Variants in ZNF385D observed in about 807,000 individuals in gnomAD.
The protein encoded by ZNF385D is zinc finger protein 385D, also known as zinc finger protein 659.
Under a neutral mutation model 35.8 loss-of-function variants are expected in ZNF385D, and 15 were observed. The observed-to-expected ratio is 0.42, with a 90% confidence interval of 0.28 to 0.64. ZNF385D has a LOEUF of 0.64. ZNF385D is among the 30% of genes least tolerant of loss of function. The pLI, the probability that ZNF385D is intolerant of heterozygous loss-of-function variation, is 0.23. For synonymous variants in ZNF385D, 212 were observed against 186.8 expected, an observed-to-expected ratio of 1.13 and a Z score of -1.10; for missense variants, 474 against 494.6, an observed-to-expected ratio of 0.96 and a Z score of 0.39.
At chr3:21,778,591 C>G (rs1473238080) in intron 3 of ZNF385D, among the ~76,000 whole-genome samples, 1 of 151,888 alleles carries the variant, frequency 6.6e-6, no homozygotes, top group Non-Finnish European at 1.5e-5. Context: ...CAGAAATATA[C>G]ACATATATAT....
At chr3:21,515,404 T>C (rs1329569305) in intron 3 of ZNF385D, among the ~76,000 whole-genome samples, 1 of 152,228 alleles carries the variant, frequency 6.6e-6, no homozygotes, top group East Asian at 1.9e-4. Flanking sequence ...CATAACCAAT[T>C]AATTTTCATG....
chr3:21,921,817 C>G (rs1700478114), intron 3 of ZNF385D, among the ~76,000 whole-genome samples: 1 of 147,564 alleles, frequency 6.8e-6, no homozygotes. Flanking sequence ...AACAGACCAG[C>G]AAGTTTTGAA....
chr3:22,133,722 T>G (rs1367757147), intron 3 of ZNF385D: 1 of 151,644 alleles, frequency 6.6e-6, no homozygotes, highest in Non-Finnish European at 1.5e-5. Context: ...AGAAAAGAAG[T>G]AAGACTACAC....
intron 3 of ZNF385D, chr3:21,877,892 A>G (rs948235270): frequency 1.3e-5 from 2 of 152,088 alleles, no homozygotes; most frequent in Admixed American, 1.3e-4. Context: ...GAACTTCTTC[A>G]ATACATCTGT....
At chr3:22,274,961 A>T (rs912121589) in intron 2 of ZNF385D, among the ~76,000 whole-genome samples, 3 of 152,090 alleles carry the variant, frequency 2.0e-5, no homozygotes, top group Admixed American at 2.0e-4. Context: ...ATTGGGTAAG[A>T]AAACAAGAAG....
intron 3 of ZNF385D, among the ~76,000 whole-genome samples, chr3:21,821,275 A>C (rs934817379): frequency 6.6e-6 from 1 of 152,166 alleles, no homozygotes; most frequent in African/African-American, 2.4e-5. Context: ...AATGCAGCAG[A>C]AAGTTAAGAA....
chr3:21,579,194 G>C (rs1000716224), intron 2 of ZNF385D: 1 of 152,144 alleles, frequency 6.6e-6, no homozygotes, highest in African/African-American at 2.4e-5. Context: ...CACAGCTCCA[G>C]AATTGGGATT....
At chr3:21,997,187 T>C (rs898873207) in intron 3 of ZNF385D, among the ~76,000 whole-genome samples, 2 of 152,166 alleles carry the variant, frequency 1.3e-5, no homozygotes, top group African/African-American at 4.8e-5. Context: ...GGTGAGTTCA[T>C]GCCCTTTGTA....
At chr3:21,464,586 C>T (rs1048592441) in intron 4 of ZNF385D, among the ~76,000 whole-genome samples, 6 of 152,046 alleles carry the variant, frequency 3.9e-5, no homozygotes, top group South Asian at 4.1e-4. Context: ...AAATAGATTA[C>T]GCTCTAGAAT....
At chr3:21,569,708 C>T (rs1344515744) in intron 2 of ZNF385D, among the ~76,000 whole-genome samples, 2 of 151,502 alleles carry the variant, frequency 1.3e-5, no homozygotes, top group Admixed American at 6.6e-5. Context: ...CACATATACA[C>T]CATGGAATAC....
chr3:22,309,835 C>T (rs952330973), intron 2 of ZNF385D, among the ~76,000 whole-genome samples: 2 of 151,898 alleles, frequency 1.3e-5, no homozygotes, highest in African/African-American at 2.4e-5. Flanking sequence ...ATTACCTTCC[C>T]TTGATATCCA....
chr3:22,161,260 G>A (rs1428524787), intron 3 of ZNF385D, among the ~76,000 whole-genome samples: 1 of 151,918 alleles, frequency 6.6e-6, no homozygotes, highest in African/African-American at 2.4e-5. Context: ...TTGTAAAACT[G>A]TACAAACAAT....
chr3:21,602,517 C>CTTTTTTTTTTTTTTTTTTTTTTTTT lies in ZNF385D; in HGVS notation c.166-37858_166-37834dup, dbSNP rs746138066. Among the ~76,000 whole-genome samples the CTTTTTTTTTTTTTTTTTTTTTTTTT allele has an allele frequency of 2.1e-4, 13 of 62,710 alleles. 2 individuals are homozygous for CTTTTTTTTTTTTTTTTTTTTTTTTT. The highest frequency in any genetic ancestry group is 3.0e-4 in the African/African-American group (4 of 13,240). 41.1% of individuals were successfully genotyped at this position (62,710 alleles called of 152,430 possible). A position where few individuals can be genotyped will look rare whatever the true frequency, so the allele number is the denominator to read the frequency against. On this transcript the variant is annotated intron_variant, in intron 2 of 7. Coordinates refer to ENST00000281523, the MANE Select transcript of ZNF385D (RefSeq NM_024697.3). ...TAGGTCTCCTGTTTCCCTGCATTTT[C>CTTTTTTTTTTTTTTTTTTTTTTTTT]TTTTTTTTTTTTTTTTTTTTTTTTT...
At chr3:21,788,308 G>A (rs993593783) in intron 3 of ZNF385D, among the ~76,000 whole-genome samples, 7 of 152,108 alleles carry the variant, frequency 4.6e-5, no homozygotes, top group African/African-American at 1.4e-4. Context: ...GGGAAACCCC[G>A]TTTCTACTAA....
At chr3:22,317,286 A>C (rs1402059696) in intron 2 of ZNF385D, among the ~76,000 whole-genome samples, 37 of 147,876 alleles carry the variant, frequency 2.5e-4, no homozygotes, top group Non-Finnish European at 1.8e-4. Flanking sequence ...TCTCCAAAAA[A>C]AAAAAAAAAA....
intron 3 of ZNF385D, among the ~76,000 whole-genome samples, chr3:21,520,632 G>T (rs1277203422): frequency 6.6e-6 from 1 of 152,160 alleles, no homozygotes; most frequent in Non-Finnish European, 1.5e-5. Flanking sequence ...CTATTTATGG[G>T]AACTCTCTCT....
At chr3:21,455,396 C>A (rs755067529) in intron 4 of ZNF385D, among the ~76,000 whole-genome samples, 22 of 152,252 alleles carry the variant, frequency 1.4e-4, no homozygotes, top group Middle Eastern at 3.4e-3. Context: ...AGACATAGAC[C>A]AATGGAACGG....
intron 4 of ZNF385D, among the ~76,000 whole-genome samples, chr3:21,455,964 A>C (rs1702781587): frequency 6.6e-6 from 1 of 152,216 alleles, no homozygotes; most frequent in African/African-American, 2.4e-5. Context: ...ACATTTATGC[A>C]GCCAAAAGAC....
chr3:21,535,585 G>C (rs1346434253), intron 3 of ZNF385D, among the ~76,000 whole-genome samples: 1 of 152,048 alleles, frequency 6.6e-6, no homozygotes, highest in African/African-American at 2.4e-5. Context: ...AAGAATAAGA[G>C]GAAATTGCTC....
Sources: allele counts gnomAD v4.1 joint callset (sites outside exome capture counted in the v4.1 genomes callset), GRCh38; gene constraint gnomAD v4.1.1; transcripts MANE v1.5; gene names NCBI Gene and HGNC (gene_info 2026-07-23, HGNC 2026-07-21).